The following SHOC1 variants were observed in gnomAD, a reference collection of about 807,000 sequenced individuals.
The protein encoded by SHOC1 is shortage in chiasmata 1, also known as protein shortage in chiasmata 1 ortholog.
Under a neutral mutation model 179.2 loss-of-function variants are expected in SHOC1, and 136 were observed. The observed-to-expected ratio is 0.76, with a 90% confidence interval of 0.66 to 0.87. The LOEUF (loss-of-function observed/expected upper bound fraction) is 0.87. Among genes scored for constraint, SHOC1 ranks in the 40% least tolerant of loss-of-function variants. SHOC1 has a pLI of 0.00. For missense variants in SHOC1, 1,538 were observed against 1,700.8 expected (o/e 0.90, Z 1.68); for synonymous variants, 489 against 586.6 (o/e 0.83, Z 2.41).
At chr9:111,744,503 C>T (rs1427350539) in intron 10 of SHOC1, among the ~76,000 whole-genome samples, 1 of 152,124 alleles carries the variant, frequency 6.6e-6, no homozygotes, top group East Asian at 1.9e-4. Context: ...TTAATAGAAG[C>T]CTAAGCAGCC....
chr9:111,748,108 T>C lies in SHOC1; in HGVS notation c.954A>G (p.Glu318=), dbSNP rs992766988. 2.5e-6 allele frequency: 4 copies of C among 1,613,120 alleles called. No individual in the cohort carries two copies. Among genetic ancestry groups the C allele is most frequent in the Admixed American group, 3.3e-5 (2 of 59,988 alleles). The change falls in exon 9 of 28, where the codon GAA becomes GAG. Residue 318 remains glutamate (E), a synonymous_variant. Transcript: ENST00000682961. The stretch of plus-strand genomic sequence containing the variant: ...AATTTCTACCTGGTTTACTGCACTC[T>C]TCTGGTTCACTCTGGCTTTGAATGG... ...ILTIQSQSEP[E]ECSKPGELEM...
chr9:111,759,305 G>T (rs748794914), intron 5 of SHOC1: 1 of 1,601,726 alleles, frequency 6.2e-7, no homozygotes. Flanking sequence ...AATGGAGATG[G>T]TCTACAGTGC....
chr9:111,700,058 T>A lies in SHOC1; in HGVS notation c.3090-11A>T. 10 of 1,278,322 alleles carry A rather than the reference T, an allele frequency of 7.8e-6. No homozygotes were observed. Among genetic ancestry groups the A allele is most frequent in the South Asian group, 1.3e-5 (1 of 76,888 alleles). 79.2% of individuals were successfully genotyped at this position (1,278,322 alleles called of 1,614,324 possible). A position where few individuals can be genotyped will look rare whatever the true frequency, so the allele number is the denominator to read the frequency against. On this transcript the variant is annotated splice_polypyrimidine_tract_variant and intron_variant, in intron 23 of 27. Transcript: ENST00000682961. The stretch of plus-strand genomic sequence containing the variant: ...TCTGTAAGCAGATACCTACAAAGAA[T>A]TATATTACTATATTTCTATTCATTT...
At chr9:111,723,973 C>A in intron 13 of SHOC1, 62 bp from the exon 14 acceptor site, 1 of 1,259,034 alleles carries the variant, frequency 7.9e-7, no homozygotes. Context: ...TGTTGTTTTA[C>A]CTTAATTTTT....
chr9:111,794,278 T>TAA (rs202117334), intron 1 of SHOC1, among the ~76,000 whole-genome samples: 99 of 102,618 alleles, frequency 9.6e-4, no homozygotes, highest in Middle Eastern at 4.6e-3. Flanking sequence ...AAAACCCACT[T>TAA]AAAAAAAAAA....
chr9:111,755,808 T>G (rs967202364), intron 8 of SHOC1, among the ~76,000 whole-genome samples: 1 of 152,110 alleles, frequency 6.6e-6, no homozygotes, highest in African/African-American at 2.4e-5. Context: ...TTCAGAGACG[T>G]TTTAAACCTG....
In SHOC1 at chr9:111,780,946, C is replaced by A; in HGVS notation, c.241G>T (p.Glu81Ter). 1.2e-6 allele frequency: 2 copies of A among 1,612,714 alleles called. No homozygotes were observed. Among genetic ancestry groups the A allele is most frequent in the Non-Finnish European group, 1.7e-6 (2 of 1,179,126 alleles). The change falls in exon 4 of 28, where the codon GAG becomes TAG. Residue 81 changes from glutamate to a stop codon, truncating the protein, a stop_gained. Transcript: ENST00000682961. LOFTEE classifies it high-confidence loss of function. The part of the protein sequence containing the change: ...LDQWKASFFV[E>*]DFLEKKTITR... ...GATACATACTTCTCAAGGAAATCCT[C>A]CACAAAGAAACTTGCTTTCCATTGG...
intron 10 of SHOC1, among the ~76,000 whole-genome samples, chr9:111,744,192 T>G (rs1046754008): frequency 6.9e-6 from 1 of 145,298 alleles, no homozygotes; most frequent in Non-Finnish European, 1.6e-5. Context: ...TCATAACAGA[T>G]GGATTAGGGT....
intron 3 of SHOC1, among the ~76,000 whole-genome samples, chr9:111,782,374 T>A (rs1488980933): frequency 2.0e-5 from 3 of 152,210 alleles, no homozygotes; most frequent in Admixed American, 2.0e-4. Context: ...CTAGGAAGAA[T>A]AGCCTTTTCA....
At chr9:111,699,674 T>G (rs1190002980) in intron 24 of SHOC1, among the ~76,000 whole-genome samples, 1 of 152,178 alleles carries the variant, frequency 6.6e-6, no homozygotes, top group Non-Finnish European at 1.5e-5. Context: ...AAGGAACATT[T>G]TTAATCAAGG....
In SHOC1 at chr9:111,714,467, A is replaced by C. The variant is rs369778827; in HGVS notation, c.2393T>G (p.Met798Arg). 84 of 1,613,650 alleles carry C rather than the reference A, an allele frequency of 5.2e-5. No individual in the cohort carries two copies. The highest frequency in any genetic ancestry group is 6.9e-5 in the Non-Finnish European group (82 of 1,179,900). ...AACCTTAATTTGCTGTTGACTTTGC[A>C]TCCAACTTAGTATCTGACATTGCAA... ...QELQCQILSW[M>R]QSQQQIKVLI... Residue 798 changes from methionine to arginine, a missense_variant, in exon 17 of 28, where the codon ATG becomes AGG. Met to Arg is a moderately conservative substitution (Grantham distance 91, BLOSUM62 -1). Transcript: ENST00000682961.
At chr9:111,696,147 T>C (rs935205574) in intron 24 of SHOC1, among the ~76,000 whole-genome samples, 1 of 152,224 alleles carries the variant, frequency 6.6e-6, no homozygotes, top group African/African-American at 2.4e-5. Flanking sequence ...CCTGCAAAGA[T>C]GGTTCATAAG....
intron 12 of SHOC1, among the ~76,000 whole-genome samples, chr9:111,733,971 T>C (rs1374979835): frequency 6.6e-6 from 1 of 152,218 alleles, no homozygotes; most frequent in East Asian, 1.9e-4. Context: ...ATCTGGTATG[T>C]TCAGCAGGTG....
At chr9:111,775,217 ACT>A (rs1835784548) in intron 5 of SHOC1, among the ~76,000 whole-genome samples, 1 of 151,214 alleles carries the variant, frequency 6.6e-6, no homozygotes. Flanking sequence ...CTGGTCTCAA[ACT>A]CTTGACCTCA....
At chr9:111,721,610 G>T (rs1165388035) in intron 15 of SHOC1, among the ~76,000 whole-genome samples, 1 of 152,216 alleles carries the variant, frequency 6.6e-6, no homozygotes, top group Non-Finnish European at 1.5e-5. Context: ...AAAGTGCTGG[G>T]ATTACAGGCA....
intron 9 of SHOC1, among the ~76,000 whole-genome samples, chr9:111,747,708 G>T (rs1834358889): frequency 6.6e-6 from 1 of 152,076 alleles, no homozygotes; most frequent in South Asian, 2.1e-4. Flanking sequence ...AGCCTCCTGA[G>T]TGTCTGGGAT....
intron 7 of SHOC1, among the ~76,000 whole-genome samples, chr9:111,757,207 A>G (rs989804841): frequency 3.3e-5 from 5 of 152,098 alleles, no homozygotes; most frequent in Non-Finnish European, 7.4e-5. Flanking sequence ...GGTTCACGCC[A>G]TTCTCCTGCC....
At chr9:111,729,612 A>G (rs1833472323) in intron 12 of SHOC1, among the ~76,000 whole-genome samples, 1 of 152,204 alleles carries the variant, frequency 6.6e-6, no homozygotes, top group Admixed American at 6.5e-5. Flanking sequence ...ATTGGAGTCA[A>G]GGTCAGGAGC....
chr9:111,777,545 G>A (rs1346329508), intron 4 of SHOC1, among the ~76,000 whole-genome samples: 3 of 152,180 alleles, frequency 2.0e-5, no homozygotes, highest in Non-Finnish European at 4.4e-5. Context: ...TGCGAAGGCG[G>A]TTTCAACTTC....
Sources: allele counts gnomAD v4.1 joint callset (sites outside exome capture counted in the v4.1 genomes callset), GRCh38; gene constraint gnomAD v4.1.1; transcripts MANE v1.5; gene names NCBI Gene and HGNC (gene_info 2026-07-23, HGNC 2026-07-21).